WDR27: variants seen among roughly 807,000 people sequenced by gnomAD.
WDR27 encodes WD repeat-containing protein 27.
Under a neutral mutation model 114.4 loss-of-function variants are expected in WDR27, and 100 were observed. The observed-to-expected ratio is 0.87, with a 90% CI of 0.74 to 1.03. WDR27 has a LOEUF of 1.03. Among genes scored for constraint, WDR27 ranks in the 50% least tolerant of loss-of-function variants. The pLI, the probability that WDR27 is intolerant of heterozygous loss-of-function variation, is 0.00. For synonymous variants in WDR27, 449 were observed against 423.1 expected, an observed-to-expected ratio of 1.06 and a Z score of -0.75; for missense variants, 1,129 against 1,092.9, an observed-to-expected ratio of 1.03 and a Z score of -0.47.
intron 25 of WDR27, among the ~76,000 whole-genome samples, chr6:169,469,534 A>C (rs1168989179): frequency 6.6e-6 from 1 of 152,240 alleles, no homozygotes; most frequent in Non-Finnish European, 1.5e-5. Flanking sequence ...GAGCAGGGAC[A>C]TTCCTGACCC....
At chr6:169,583,512 T>TACACACAC (rs145440232) in intron 23 of WDR27, among the ~76,000 whole-genome samples, 17 of 38,888 alleles carry the variant, frequency 4.4e-4, no homozygotes, top group African/African-American at 8.9e-4. Context: ...TATGTATATA[T>TACACACAC]ACACACACAC....
chr6:169,675,596 A>C (rs1779879458), intron 2 of WDR27, among the ~76,000 whole-genome samples: 1 of 152,222 alleles, frequency 6.6e-6, no homozygotes, highest in Non-Finnish European at 1.5e-5. Context: ...AATACACTTA[A>C]GAAATACATT....
intron 25 of WDR27, among the ~76,000 whole-genome samples, chr6:169,479,617 A>G (rs1787671171): frequency 6.6e-6 from 1 of 152,232 alleles, no homozygotes; most frequent in Non-Finnish European, 1.5e-5. Flanking sequence ...TTAATGAGTT[A>G]TTATTTCTCA....
chr6:169,543,376 TG>T (rs1797064418), intron 25 of WDR27, among the ~76,000 whole-genome samples: 1 of 152,120 alleles, frequency 6.6e-6, no homozygotes, highest in Non-Finnish European at 1.5e-5. Flanking sequence ...TTAAACATTT[TG>T]GTCTTAATAC....
chr6:169,644,407 C>A (rs1427269020), intron 16 of WDR27, among the ~76,000 whole-genome samples: 71 of 95,226 alleles, frequency 7.5e-4, no homozygotes, highest in East Asian at 2.7e-3. Flanking sequence ...GTCACACTGT[C>A]GAAAATCCTA....
chr6:169,581,876 C>G (rs149499134), intron 24 of WDR27, among the ~76,000 whole-genome samples: 3 of 152,376 alleles, frequency 2.0e-5, no homozygotes, highest in East Asian at 1.9e-4. Flanking sequence ...CCAGAGCACA[C>G]AGTCACACAG....
intron 23 of WDR27, among the ~76,000 whole-genome samples, chr6:169,590,952 C>T (rs942452540): frequency 6.6e-6 from 1 of 152,158 alleles, no homozygotes; most frequent in Admixed American, 6.5e-5. Flanking sequence ...GCCATGGAAG[C>T]GCAGGTATCT....
chr6:169,651,630 C>G (rs905227559), intron 14 of WDR27, among the ~76,000 whole-genome samples: 2 of 152,154 alleles, frequency 1.3e-5, no homozygotes, highest in African/African-American at 4.8e-5. Flanking sequence ...CATGCTCTCC[C>G]AGCCCCACAC....
intron 25 of WDR27, among the ~76,000 whole-genome samples, chr6:169,562,064 T>C (rs1487694650): frequency 6.6e-6 from 1 of 151,970 alleles, no homozygotes; most frequent in African/African-American, 2.4e-5. Context: ...AACAAAAAAC[T>C]GATAGAATTA....
At chr6:169,572,925 G>A (rs1453879686) in intron 24 of WDR27, among the ~76,000 whole-genome samples, 1 of 152,090 alleles carries the variant, frequency 6.6e-6, no homozygotes, top group Non-Finnish European at 1.5e-5. Flanking sequence ...CACTCTACAT[G>A]ATATAACTAC....
rs139626561 is a variant in WDR27, at chr6:169,579,749, T to A, written c.2523+3087A>T. ...GCATATAATTAAGAGTGGGTATAAC[T>A]ATGCTCACCAGCAACCAATGCGTGC... On this transcript the variant is annotated intron_variant, in intron 24 of 25. Transcript: ENST00000448612. 7.4e-3 allele frequency among the ~76,000 whole-genome samples: 1,125 copies of A among 152,282 alleles called. 25 individuals are homozygous for A. Among genetic ancestry groups the A allele is most frequent in the African/African-American group, 0.026 (1,090 of 41,558 alleles).
intron 25 of WDR27, among the ~76,000 whole-genome samples, chr6:169,491,674 G>T (rs1789783160): frequency 6.6e-6 from 1 of 152,124 alleles, no homozygotes; most frequent in South Asian, 2.1e-4. Context: ...CGAAAGACCA[G>T]AACCCAGGGC....
At chr6:169,671,848 C>T (rs1396265006) in intron 3 of WDR27, 1 of 155,848 alleles carries the variant, frequency 6.4e-6, no homozygotes, top group South Asian at 2.0e-4. Context: ...GATTTGGGAC[C>T]AAGCCCTTCC....
intron 25 of WDR27, among the ~76,000 whole-genome samples, chr6:169,488,211 A>AT (rs1222345760): frequency 1.3e-5 from 2 of 152,234 alleles, no homozygotes; most frequent in African/African-American, 4.8e-5. Context: ...ACACTCATGC[A>AT]TTGGGGCTGC....
chr6:169,455,518 A>G (rs1364570589), downstream of WDR27, among the ~76,000 whole-genome samples: 2 of 152,252 alleles, frequency 1.3e-5, no homozygotes, highest in Non-Finnish European at 2.9e-5. Flanking sequence ...AAAAATAAAC[A>G]TGATACATCC....
At chr6:169,687,768 T>C (rs550300976) in intron 2 of WDR27, among the ~76,000 whole-genome samples, 1 of 152,296 alleles carries the variant, frequency 6.6e-6, no homozygotes, top group Admixed American at 6.5e-5. Context: ...ACTCCACATA[T>C]ATGAAAAGGT....
At chr6:169,536,521 C>G (rs1221987678) in intron 25 of WDR27, among the ~76,000 whole-genome samples, 2 of 152,188 alleles carry the variant, frequency 1.3e-5, no homozygotes, top group African/African-American at 4.8e-5. Flanking sequence ...CTTATTCTGA[C>G]ACGGATTGCT....
chr6:169,575,231 T>C (rs1802061014), intron 24 of WDR27, among the ~76,000 whole-genome samples: 2 of 111,722 alleles, frequency 1.8e-5, no homozygotes, highest in Non-Finnish European at 2.1e-5. Context: ...TCCATCTCTC[T>C]CCCTCTCTAT....
chr6:169,599,902 G>A (rs574930033), intron 23 of WDR27, among the ~76,000 whole-genome samples: 1 of 151,916 alleles, frequency 6.6e-6, no homozygotes, highest in East Asian at 1.9e-4. Context: ...GGCATTTAGT[G>A]CTATAAATTT....
Sources: gnomAD v4.1 joint callset for allele counts (sites outside exome capture counted in the v4.1 genomes callset) on GRCh38, gnomAD v4.1.1 for gene constraint, MANE v1.5 for transcripts, NCBI Gene and HGNC (gene_info 2026-07-23, HGNC 2026-07-21) for gene names.